Variants in C4BPA observed in about 807,000 individuals in gnomAD.
The protein encoded by C4BPA is complement component 4 binding protein alpha.
In C4BPA, 31 loss-of-function variants were observed where a neutral mutation model predicts 63.7. That is an observed-to-expected ratio of 0.49 (90% confidence interval 0.37 to 0.66). C4BPA has a LOEUF of 0.66. C4BPA is among the 30% of genes least tolerant of loss of function. The pLI is 0.00. For missense variants in C4BPA, 572 were observed against 723.3 expected (o/e 0.79, Z 2.40); for synonymous variants, 259 against 254.7 (o/e 1.02, Z -0.16).
intron 9 of C4BPA, among the ~76,000 whole-genome samples, chr1:207,136,096 A>C (rs1390119867): frequency 6.6e-6 from 1 of 152,202 alleles, no homozygotes; most frequent in East Asian, 1.9e-4. Context: ...ACTTGCTAGG[A>C]AGTGGCTTTT....
intron 2 of C4BPA, 80 bp downstream of exon 2, chr1:207,113,247 T>C (rs1048502322): frequency 8.3e-6 from 12 of 1,453,454 alleles, no homozygotes; most frequent in Middle Eastern, 1.8e-4. Context: ...CTAAAAAAAA[T>C]GATGACTGAG....
intron 1 of C4BPA, 83 bp downstream of exon 1, chr1:207,104,513 T>C (rs1318504751): frequency 6.6e-6 from 1 of 152,262 alleles, no homozygotes; most frequent in Non-Finnish European, 1.5e-5. Flanking sequence ...ATTAGAAGGA[T>C]AAAACAGAGA....
chr1:207,108,968 G>A (rs1043441091), intron 1 of C4BPA, among the ~76,000 whole-genome samples: 5 of 152,088 alleles, frequency 3.3e-5, no homozygotes, highest in African/African-American at 7.2e-5. Flanking sequence ...TGATCTGCCC[G>A]CCTCAGCCTC....
At chr1:207,140,285 C>A (rs1454669510) in intron 9 of C4BPA, among the ~76,000 whole-genome samples, 1 of 152,136 alleles carries the variant, frequency 6.6e-6, no homozygotes, top group Non-Finnish European at 1.5e-5. Context: ...CTACCTGGTG[C>A]GTTTTTCAGT....
intron 9 of C4BPA, among the ~76,000 whole-genome samples, chr1:207,137,860 C>A (rs552090278): frequency 6.6e-6 from 1 of 152,150 alleles, no homozygotes; most frequent in Non-Finnish European, 1.5e-5. Context: ...TGAAGTGATC[C>A]GCCCACCTCG....
intron 10 of C4BPA, 35 bp from the exon 11 acceptor site, chr1:207,143,782 AT>A (rs780357665): frequency 1.4e-6 from 2 of 1,457,710 alleles, no homozygotes; most frequent in Admixed American, 3.4e-5. Context: ...TTCTTCATAG[AT>A]TTACAGATTT....
chr1:207,115,235 A>T (rs1254193417), intron 3 of C4BPA, among the ~76,000 whole-genome samples, 181 bp from the exon 4 acceptor site: 1 of 152,156 alleles, frequency 6.6e-6, no homozygotes. Flanking sequence ...AATGTACCAG[A>T]AAAAAAGGTG....
Position 207,144,560 on chromosome 1 carries a change from G to A in C4BPA, c.1637G>A (p.Cys546Tyr), listed in dbSNP as rs766060112. The change falls in exon 12 of 12, where the codon TGT (cysteine) becomes TAT (tyrosine). Residue 546 changes from cysteine (C) to tyrosine (Y), a missense_variant. By Grantham distance (194) the Cys-to-Tyr change is radical. Coordinates refer to ENST00000367070, the MANE Select transcript of C4BPA (RefSeq NM_000715.4). ...PKCEWETPEGCEQVLTGKRLM... is the reference protein window; with the variant it reads ...PKCEWETPEGYEQVLTGKRLM... ...ATCTTTTAGGAGACCCCCGAAGGCT[G>A]TGAACAAGTGCTCACAGGCAAAAGA... 3 of 1,611,286 alleles carry A rather than the reference G, an allele frequency of 1.9e-6. No homozygotes were observed. The highest frequency in any genetic ancestry group is 1.1e-5 in the South Asian group (1 of 90,818).
intron 7 of C4BPA, among the ~76,000 whole-genome samples, chr1:207,130,545 G>A (rs571878815): frequency 6.6e-6 from 1 of 152,076 alleles, no homozygotes; most frequent in Admixed American, 6.5e-5. Flanking sequence ...CAACCCAAAT[G>A]CCCATCAAAT....
rs148378656 is a variant in C4BPA at position 207,123,289 on chromosome 1, G to A, written c.429-633G>A. Among the ~76,000 whole-genome samples the A allele has an allele frequency of 2.6e-4, 40 of 152,298 alleles. No homozygotes were observed. In the East Asian group the frequency reaches 7.3e-3, roughly 28 times the overall value. On this transcript the variant is annotated intron_variant, in intron 4 of 11. Coordinates refer to ENST00000367070, the MANE Select transcript of C4BPA (RefSeq NM_000715.4). The stretch of plus-strand genomic sequence containing the variant: ...TTCCACAGGCTCTTAGATTGCTGAA[G>A]GTGACATTTGCTTTAGTGTTCTATC...
chr1:207,112,974 A>C, intron 1 of C4BPA, 27 bp from the exon 2 acceptor site: 1 of 1,537,958 alleles, frequency 6.5e-7, no homozygotes, highest in Non-Finnish European at 8.7e-7. Flanking sequence ...TTCAATGACT[A>C]TTTATTAAAT....
intron 9 of C4BPA, among the ~76,000 whole-genome samples, chr1:207,139,362 C>G (rs1685360366): frequency 6.6e-6 from 1 of 152,184 alleles, no homozygotes; most frequent in Non-Finnish European, 1.5e-5. Flanking sequence ...GATGACCACT[C>G]CCATGTCTTT....
At chr1:207,134,267 T>C (rs1368519291) in intron 8 of C4BPA, 137 bp from the exon 9 acceptor site, 8 of 623,594 alleles carry the variant, frequency 1.3e-5, no homozygotes, top group Non-Finnish European at 1.7e-5. Context: ...AGACTTGGAG[T>C]GTCTTGGGTC....
chr1:207,115,303 ATC>A, intron 3 of C4BPA, 111 bp from the exon 4 acceptor site: 1 of 607,354 alleles, frequency 1.6e-6, no homozygotes, highest in East Asian at 3.5e-5. Flanking sequence ...TTGAATCTAA[ATC>A]TCTCTGTGTT....
At chr1:207,105,930 T>C (rs1303622408) in intron 1 of C4BPA, among the ~76,000 whole-genome samples, 1 of 152,206 alleles carries the variant, frequency 6.6e-6, no homozygotes, top group African/African-American at 2.4e-5. Flanking sequence ...ATTTAAAAGG[T>C]GAAGTCCTTG....
At chr1:207,112,447 C>T (rs1216235551) in intron 1 of C4BPA, among the ~76,000 whole-genome samples, 1 of 151,596 alleles carries the variant, frequency 6.6e-6, no homozygotes, top group Non-Finnish European at 1.5e-5. Flanking sequence ...CTCACTCAAC[C>T]TCCCTGTTTC....
chr1:207,126,011 C>A (rs914318430), intron 6 of C4BPA, among the ~76,000 whole-genome samples: 8 of 151,978 alleles, frequency 5.3e-5, no homozygotes, highest in African/African-American at 1.9e-4. Flanking sequence ...GCTGCCTCTG[C>A]ACTATGTAAT....
intron 7 of C4BPA, among the ~76,000 whole-genome samples, chr1:207,130,632 G>T (rs967906005): frequency 1.1e-4 from 16 of 152,048 alleles, no homozygotes; most frequent in African/African-American, 3.9e-4. Flanking sequence ...AAAATAAAAA[G>T]TACTAATGTA....
rs188673455 is a variant in C4BPA, at chr1:207,137,312, T to C, written c.1273+2720T>C. The stretch of plus-strand genomic sequence containing the variant: ...AATCAATTTAGAAAATTTATGTTGC[T>C]AAGGTTAAGGACGCGCCTGCGACAG... On this transcript the variant is annotated intron_variant, in intron 9 of 11. Coordinates refer to ENST00000367070, the MANE Select transcript of C4BPA (RefSeq NM_000715.4). Among the ~76,000 whole-genome samples the C allele has an allele frequency of 5.0e-4, 76 of 152,374 alleles. No individual in the cohort carries two copies. The South Asian group carries it at 6.0e-3, about 12-fold the overall frequency.
Sources: gnomAD v4.1 joint callset for allele counts (sites outside exome capture counted in the v4.1 genomes callset) on GRCh38, gnomAD v4.1.1 for gene constraint, MANE v1.5 for transcripts, NCBI Gene and HGNC (gene_info 2026-07-23, HGNC 2026-07-21) for gene names.